Variants in PPM1H observed in about 807,000 individuals in gnomAD.
The protein encoded by PPM1H is protein phosphatase 1H.
Under a neutral mutation model 54.9 loss-of-function variants are expected in PPM1H, and 27 were observed. That is an observed-to-expected ratio of 0.49 (90% CI 0.36 to 0.68). The LOEUF (loss-of-function observed/expected upper bound fraction) is 0.68. PPM1H is among the 30% of genes least tolerant of loss of function. The pLI is 0.00. For missense variants in PPM1H, 596 were observed against 667.8 expected (o/e 0.89, Z 1.19); for synonymous variants, 305 against 270.8 (o/e 1.13, Z -1.24).
intron 6 of PPM1H, among the ~76,000 whole-genome samples, chr12:62,696,724 T>C (rs950137414): frequency 3.9e-5 from 6 of 152,216 alleles, no homozygotes; most frequent in African/African-American, 1.4e-4. Flanking sequence ...TGCTGACTTA[T>C]AGTATCTAAA....
At chr12:62,794,020 G>A (rs980707807) in intron 3 of PPM1H, among the ~76,000 whole-genome samples, 3 of 152,282 alleles carry the variant, frequency 2.0e-5, no homozygotes, top group African/African-American at 7.2e-5. Context: ...TGAGCACATT[G>A]CTAATAGTGT....
chr12:62,933,408 G>A (rs1872213560), intron 1 of PPM1H, among the ~76,000 whole-genome samples: 1 of 152,124 alleles, frequency 6.6e-6, no homozygotes. Context: ...GGCATTGGAA[G>A]AGCTGATTGG....
chr12:62,868,225 G>T (rs1034798855), intron 1 of PPM1H, among the ~76,000 whole-genome samples: 2 of 152,132 alleles, frequency 1.3e-5, no homozygotes, highest in African/African-American at 4.8e-5. Flanking sequence ...ATGACACCAT[G>T]GTCTGTTCTG....
At chr12:62,681,490 G>A (rs2076018898) in intron 8 of PPM1H, among the ~76,000 whole-genome samples, 1 of 152,256 alleles carries the variant, frequency 6.6e-6, no homozygotes, top group African/African-American at 2.4e-5. Context: ...TACTGCCTTA[G>A]GTCCAGTTCA....
chr12:62,793,222 T>A (rs1382416974), intron 3 of PPM1H, among the ~76,000 whole-genome samples: 1 of 152,174 alleles, frequency 6.6e-6, no homozygotes, highest in African/African-American at 2.4e-5. Flanking sequence ...AAGATTCAAT[T>A]AACAAGATAA....
intron 9 of PPM1H, among the ~76,000 whole-genome samples, chr12:62,651,327 G>A (rs547521106): frequency 1.1e-4 from 16 of 152,228 alleles, no homozygotes; most frequent in Admixed American, 7.9e-4. Context: ...AACAGATACA[G>A]GAACTCAAAA....
intron 1 of PPM1H, among the ~76,000 whole-genome samples, chr12:62,852,367 G>A (rs966369979): frequency 6.6e-6 from 1 of 151,924 alleles, no homozygotes; most frequent in African/African-American, 2.4e-5. Flanking sequence ...CTACATGTGA[G>A]GCTACAAGAA....
chr12:62,769,616 A>G (rs2076566076), intron 4 of PPM1H, among the ~76,000 whole-genome samples: 1 of 152,222 alleles, frequency 6.6e-6, no homozygotes. Context: ...TGGCATTGAA[A>G]ATACCATACT....
intron 6 of PPM1H, 46 bp from the exon 7 acceptor site, chr12:62,694,045 G>C (rs1192843348): frequency 1.3e-6 from 2 of 1,528,764 alleles, no homozygotes; most frequent in Non-Finnish European, 1.8e-6. Context: ...CACTCAATTA[G>C]TGACCTGCTG....
intron 4 of PPM1H, chr12:62,755,999 T>C: frequency 7.3e-7 from 1 of 1,370,944 alleles, no homozygotes; most frequent in Non-Finnish European, 1.0e-6. Flanking sequence ...TATGATGACA[T>C]CAAGAAGGTG....
At chr12:62,688,131 C>T (rs990417224) in intron 8 of PPM1H, among the ~76,000 whole-genome samples, 1 of 152,122 alleles carries the variant, frequency 6.6e-6, no homozygotes, top group Non-Finnish European at 1.5e-5. Context: ...AAAACTCTTG[C>T]TCTCCCAAAC....
chr12:62,692,427 A>T (rs186400085), intron 7 of PPM1H, among the ~76,000 whole-genome samples: 101 of 152,330 alleles, frequency 6.6e-4, no homozygotes, highest in African/African-American at 2.4e-3. Flanking sequence ...CCAAGAATAC[A>T]TCATTCCATT....
chr12:62,837,930 T>C (rs770249661), intron 1 of PPM1H, among the ~76,000 whole-genome samples: 1 of 152,166 alleles, frequency 6.6e-6, no homozygotes, highest in Non-Finnish European at 1.5e-5. Flanking sequence ...GGCATGACAC[T>C]TCCCAGAACA....
intron 4 of PPM1H, among the ~76,000 whole-genome samples, chr12:62,773,134 G>A (rs900449908): frequency 5.9e-5 from 9 of 151,486 alleles, no homozygotes; most frequent in Admixed American, 2.0e-4. Context: ...GTGACAGAGC[G>A]AGACTCCGTC....
chr12:62,760,435 T>C (rs12581322), intron 4 of PPM1H, among the ~76,000 whole-genome samples: 24,231 of 152,074 alleles, frequency 0.16, 2,405 homozygotes, highest in African/African-American at 0.28. Flanking sequence ...GGTCGCTCCC[T>C]GCCAGGTTGA....
At chr12:62,905,233 AT>A (rs1313400797) in intron 1 of PPM1H, among the ~76,000 whole-genome samples, 12 of 152,218 alleles carry the variant, frequency 7.9e-5, no homozygotes, top group Admixed American at 7.9e-4. Context: ...TAGCACCTAG[AT>A]TTTGGTGTCA....
In PPM1H at chr12:62,822,921, C is replaced by T. The variant is rs187714327; in HGVS notation, c.411+9193G>A. 2.6e-5 allele frequency among the ~76,000 whole-genome samples: 4 copies of T among 152,046 alleles called. No homozygotes were observed. The East Asian group carries it at 7.7e-4, about 29-fold the overall frequency. On this transcript the variant is annotated intron_variant, in intron 2 of 9. Coordinates refer to ENST00000228705, the MANE Select transcript of PPM1H (RefSeq NM_020700.2). ...AACAAAACTGAAGGAGATAGAGACA[C>T]AAAAAACCCTTCAAAAAAATCAATA...
At chr12:62,794,055 A>T (rs1299017920) in intron 3 of PPM1H, among the ~76,000 whole-genome samples, 1 of 152,176 alleles carries the variant, frequency 6.6e-6, no homozygotes, top group Non-Finnish European at 1.5e-5. Context: ...CAGATTCTGC[A>T]TGGTTTTAGT....
intron 4 of PPM1H, among the ~76,000 whole-genome samples, chr12:62,742,931 T>G (rs1409516038): frequency 6.6e-6 from 1 of 152,258 alleles, no homozygotes; most frequent in Non-Finnish European, 1.5e-5. Context: ...GAAATTTATA[T>G]GACATTAATT....
Sources: gnomAD v4.1 joint callset for allele counts (sites outside exome capture counted in the v4.1 genomes callset) on GRCh38, gnomAD v4.1.1 for gene constraint, MANE v1.5 for transcripts, NCBI Gene and HGNC (gene_info 2026-07-23, HGNC 2026-07-21) for gene names.